DIP2B: variants seen among roughly 807,000 people sequenced by gnomAD.
The protein encoded by DIP2B is DIP2 acetate--CoA ligase B (putative).
In DIP2B, 76 loss-of-function variants were observed where a neutral mutation model predicts 198.0. The ratio of observed to expected loss-of-function variants is 0.38; its 90% CI spans 0.32 to 0.46. The LOEUF is 0.46. Ranked by LOEUF, DIP2B falls within the 20% of genes least tolerant of loss-of-function variation. The pLI is 0.99. For missense variants in DIP2B, 1,559 were observed against 1,978.4 expected, an observed-to-expected ratio of 0.79 and a Z score of 4.02; for synonymous variants, 701 against 739.1, an observed-to-expected ratio of 0.95 and a Z score of 0.84.
intron 1 of DIP2B, among the ~76,000 whole-genome samples, chr12:50,572,634 C>T (rs1958625434): frequency 6.6e-6 from 1 of 152,300 alleles, no homozygotes; most frequent in Non-Finnish European, 1.5e-5. Flanking sequence ...CTCTTCTCTT[C>T]CATTCTCCAC....
intron 9 of DIP2B, among the ~76,000 whole-genome samples, chr12:50,681,882 G>A (rs949257654): frequency 8.5e-5 from 13 of 152,184 alleles, no homozygotes; most frequent in African/African-American, 2.9e-4. Flanking sequence ...ACACTGTGCA[G>A]GAAGGAAATG....
chr12:50,618,687 T>G (rs1937747691), intron 1 of DIP2B, among the ~76,000 whole-genome samples: 1 of 152,226 alleles, frequency 6.6e-6, no homozygotes, highest in Non-Finnish European at 1.5e-5. Flanking sequence ...TTGCTTAAAC[T>G]TCTGTGCCTC....
intron 18 of DIP2B, among the ~76,000 whole-genome samples, chr12:50,698,707 G>A (rs1939363155): frequency 6.6e-6 from 1 of 152,182 alleles, no homozygotes; most frequent in Non-Finnish European, 1.5e-5. Context: ...GCCAAATACT[G>A]AGAGATGTTA....
At position 50,505,063 on chromosome 12, in the gene DIP2B, C is replaced by A; in HGVS notation, c.-78C>A. On this transcript the variant is annotated 5_prime_UTR_variant, in exon 1 of 38. Transcript: ENST00000301180. The stretch of plus-strand genomic sequence containing the variant: ...CGGCGGCCGGAGCCGGATCCTGTAG[C>A]CGGGTGTGGGCCCGTGTCTGTCCGT... The A allele has an allele frequency of 7.3e-7, 1 of 1,378,634 alleles. No homozygotes were observed. 85.4% of individuals were successfully genotyped at this position (1,378,634 alleles called of 1,614,324 possible).
intron 32 of DIP2B, 67 bp downstream of exon 32, chr12:50,732,603 C>T: frequency 6.3e-7 from 1 of 1,580,316 alleles, no homozygotes; most frequent in South Asian, 1.1e-5. Flanking sequence ...AGAGCATGGG[C>T]TTTGGAGCCA....
chr12:50,578,953 ATGGTGAGTAAAATTGC>A (rs1958689093), intron 1 of DIP2B, among the ~76,000 whole-genome samples: 1 of 152,228 alleles, frequency 6.6e-6, no homozygotes, highest in Non-Finnish European at 1.5e-5. Context: ...TACAAAAGCA[ATGGTGAGTAAAATTGC>A]TGGAAACAGC....
rs538485973 is a variant in DIP2B, at chr12:50,681,135, A to G, written c.1206+372A>G. On this transcript the variant is annotated intron_variant, in intron 9 of 37. Transcript: ENST00000301180. The stretch of plus-strand genomic sequence containing the variant: ...TTTATTTTTTCCTCCTCTTCACAAA[A>G]TGCCTCAAACATGGGCTGGGTGCAG... Among the ~76,000 whole-genome samples, 278 of 152,300 alleles carry G rather than the reference A, an allele frequency of 1.8e-3. 1 individual carries two copies. The highest frequency in any genetic ancestry group is 3.1e-3 in the Non-Finnish European group (214 of 68,024).
intron 1 of DIP2B, among the ~76,000 whole-genome samples, chr12:50,593,496 T>A (rs1243350260): frequency 6.7e-6 from 1 of 149,988 alleles, no homozygotes; most frequent in African/African-American, 2.5e-5. Flanking sequence ...AAAACGAGAC[T>A]CTGTCTCAAA....
chr12:50,710,723 C>T lies in DIP2B; in HGVS notation c.2649+2161C>T, dbSNP rs144316825. ...TATAGATGTGAGCCACGTCACCTGG[C>T]TGCTAGATGACTTTTAATATTTCTT... On this transcript the variant is annotated intron_variant, in intron 22 of 37. Transcript: ENST00000301180. Among the ~76,000 whole-genome samples, 1,404 of 152,262 alleles carry T rather than the reference C, an allele frequency of 9.2e-3. 18 individuals carry two copies. Among genetic ancestry groups the T allele is most frequent in the African/African-American group, 0.032 (1,347 of 41,568 alleles).
chr12:50,505,320 C>T (rs1437557155), intron 1 of DIP2B, 80 bp downstream of exon 1: 22 of 1,227,088 alleles, frequency 1.8e-5, no homozygotes, highest in Non-Finnish European at 2.3e-5. Context: ...GCCGCGCGCT[C>T]TGGCGGCCGT....
At position 50,728,557 on chromosome 12, in the gene DIP2B, T is replaced by C. The variant is rs750432351; in HGVS notation, c.3520T>C (p.Ser1174Pro). ...TTTCCATACTTTCCAGATGTCCCAC[T>C]CTGCAGTGAACGCTCTGTGTCGAGC... The part of the protein sequence containing the change: ...GMLTGVKMSH[S>P]AVNALCRAIK... Residue 1174 changes from serine (S) to proline (P), a missense_variant, in exon 30 of 38, where the codon TCT (serine) becomes CCT (proline). By Grantham distance (74) the Ser-to-Pro change is moderately conservative. Coordinates refer to ENST00000301180, the MANE Select transcript of DIP2B (RefSeq NM_173602.3). 14 of 1,613,718 alleles carry C rather than the reference T, an allele frequency of 8.7e-6. No individual in the cohort carries two copies. Among genetic ancestry groups the C allele is most frequent in the African/African-American group, 2.7e-5 (2 of 74,918 alleles).
chr12:50,513,354 TTGC>T (rs1363874602), intron 1 of DIP2B, among the ~76,000 whole-genome samples: 5 of 152,322 alleles, frequency 3.3e-5, no homozygotes, highest in African/African-American at 1.2e-4. Flanking sequence ...AGCAGAAGAC[TTGC>T]TGGTCTGTTT....
chr12:50,686,427 G>A (rs1204119053), intron 11 of DIP2B, 146 bp from the exon 12 acceptor site: 4 of 684,016 alleles, frequency 5.8e-6, no homozygotes, highest in Middle Eastern at 5.3e-4. Flanking sequence ...CTGGTGATTT[G>A]CCACTAAAAA....
chr12:50,617,142 G>A (rs973419147), intron 1 of DIP2B, among the ~76,000 whole-genome samples: 3 of 149,826 alleles, frequency 2.0e-5, no homozygotes, highest in East Asian at 4.0e-4. Context: ...TAGTAATGAT[G>A]TATAATGATC....
chr12:50,683,332 A>G, intron 10 of DIP2B, 84 bp downstream of exon 10: 1 of 1,150,314 alleles, frequency 8.7e-7, no homozygotes, highest in African/African-American at 1.6e-5. Context: ...TCACAACAGT[A>G]AAAACTGTTC....
chr12:50,580,112 G>A lies in DIP2B; in HGVS notation c.101-45864G>A, dbSNP rs572270253. On this transcript the variant is annotated intron_variant, in intron 1 of 37. Transcript: ENST00000301180. ...TACATTCAGAAATTGGTCATATCAC[G>A]TGGACTTGAATCCACAGTGAGACAT... 3.6e-4 allele frequency among the ~76,000 whole-genome samples: 54 copies of A among 148,806 alleles called. 5 individuals are homozygous for A. The South Asian group carries it at 0.01, about 28-fold the overall frequency.
At chr12:50,702,223 G>A (rs983492457) in intron 19 of DIP2B, among the ~76,000 whole-genome samples, 5 of 152,152 alleles carry the variant, frequency 3.3e-5, no homozygotes, top group African/African-American at 9.7e-5. Flanking sequence ...GCGGGCGCCT[G>A]TAGTCCCAGC....
At chr12:50,543,943 AAGG>A (rs1341042797) in intron 1 of DIP2B, among the ~76,000 whole-genome samples, 2 of 148,636 alleles carry the variant, frequency 1.3e-5, no homozygotes, top group African/African-American at 2.5e-5. Context: ...AAAAAAAAAA[AAGG>A]AGGCTGGGCA....
At chr12:50,533,672 G>C (rs1958238475) in intron 1 of DIP2B, among the ~76,000 whole-genome samples, 1 of 150,474 alleles carries the variant, frequency 6.6e-6, no homozygotes, top group African/African-American at 2.5e-5. Flanking sequence ...GCCGTGGTGT[G>C]ATCACAGCTC....
Sources: gnomAD v4.1 joint callset for allele counts (sites outside exome capture counted in the v4.1 genomes callset) on GRCh38, gnomAD v4.1.1 for gene constraint, MANE v1.5 for transcripts, NCBI Gene and HGNC (gene_info 2026-07-23, HGNC 2026-07-21) for gene names.